The following IGF2BP2 variants were observed in gnomAD, a reference collection of about 807,000 sequenced individuals.
The protein encoded by IGF2BP2 is insulin like growth factor 2 mRNA binding protein 2.
IGF2BP2 carries 17 observed loss-of-function variants against 75.8 expected under a neutral mutation model. The observed-to-expected ratio is 0.22, with a 90% CI of 0.15 to 0.34. IGF2BP2 has a LOEUF of 0.34. Among genes scored for constraint, IGF2BP2 ranks in the 10% least tolerant of loss-of-function variants. IGF2BP2 has a pLI of 1.00. For missense variants in IGF2BP2, 516 were observed against 772.4 expected (o/e 0.67, Z 3.93); for synonymous variants, 288 against 295.6 (o/e 0.97, Z 0.26).
intron 4 of IGF2BP2, among the ~76,000 whole-genome samples, chr3:185,693,767 T>C (rs1722242201): frequency 6.6e-6 from 1 of 152,218 alleles, no homozygotes; most frequent in Non-Finnish European, 1.5e-5. Context: ...ATTTAAGCTG[T>C]TGGGAGTTTG....
chr3:185,749,898 CAAAAATT>C (rs1294575390), intron 2 of IGF2BP2, among the ~76,000 whole-genome samples: 1 of 152,132 alleles, frequency 6.6e-6, no homozygotes, highest in Non-Finnish European at 1.5e-5. Flanking sequence ...ACATCTTTAA[CAAAAATT>C]AAAAGTACAC....
chr3:185,810,546 G>A (rs2150006248), intron 2 of IGF2BP2, among the ~76,000 whole-genome samples: 1 of 152,294 alleles, frequency 6.6e-6, no homozygotes, highest in African/African-American at 2.4e-5. Flanking sequence ...GGCCAAGGCA[G>A]GCAGATCACC....
chr3:185,766,361 C>T (rs925084061), intron 2 of IGF2BP2, among the ~76,000 whole-genome samples: 14 of 151,934 alleles, frequency 9.2e-5, no homozygotes, highest in African/African-American at 7.3e-5. Flanking sequence ...CAACAAACTA[C>T]GGTTGATAGG....
chr3:185,696,681 C>T lies in IGF2BP2; in HGVS notation c.289-18G>A. ...TCCAACACCTAAAAGAGAAAGCTTC[C>T]ATGTCAGAATGGGAAGGCAAGATCA... On this transcript the variant is annotated intron_variant, in intron 3 of 15. Coordinates refer to ENST00000382199, the MANE Select transcript of IGF2BP2 (RefSeq NM_006548.6). 1 of 1,611,718 alleles carries T rather than the reference C, an allele frequency of 6.2e-7. No individual in the cohort carries two copies. Among genetic ancestry groups the T allele is most frequent in the Non-Finnish European group, 8.5e-7 (1 of 1,178,064 alleles).
chr3:185,782,680 C>T (rs530010495), intron 2 of IGF2BP2, among the ~76,000 whole-genome samples: 1 of 152,222 alleles, frequency 6.6e-6, no homozygotes, highest in East Asian at 1.9e-4. Flanking sequence ...AACAGGCATA[C>T]CTACACTGGT....
chr3:185,755,598 G>T (rs1731515053), intron 2 of IGF2BP2, among the ~76,000 whole-genome samples: 1 of 152,228 alleles, frequency 6.6e-6, no homozygotes, highest in Non-Finnish European at 1.5e-5. Context: ...GCTCAGGGAA[G>T]CCACGAGGGC....
At chr3:185,705,918 A>G (rs1350961391) in intron 2 of IGF2BP2, among the ~76,000 whole-genome samples, 3 of 152,216 alleles carry the variant, frequency 2.0e-5, no homozygotes, top group African/African-American at 2.4e-5. Flanking sequence ...TTTGGGGGAG[A>G]CACAAACTTT....
chr3:185,708,640 G>A lies in IGF2BP2; in HGVS notation c.240-10293C>T, dbSNP rs187056720. 1.4e-3 allele frequency among the ~76,000 whole-genome samples: 208 copies of A among 152,242 alleles called. 1 individual carries two copies. Among genetic ancestry groups the A allele is most frequent in the Non-Finnish European group, 2.3e-3 (155 of 68,016 alleles). On this transcript the variant is annotated intron_variant, in intron 2 of 15. Transcript: ENST00000382199. ...GCCTGAGGGTGGAATGGTGACACAA[G>A]AAATATCTGCTTATCCCTGGCTCCA... is the stretch of plus-strand genomic sequence containing the variant.
intron 2 of IGF2BP2, among the ~76,000 whole-genome samples, chr3:185,784,320 G>C (rs1007849109): frequency 6.6e-6 from 1 of 151,932 alleles, no homozygotes; most frequent in Admixed American, 6.5e-5. Flanking sequence ...CACTTTGATC[G>C]AAACATCCTC....
intron 2 of IGF2BP2, among the ~76,000 whole-genome samples, chr3:185,758,766 C>A (rs974228329): frequency 1.3e-5 from 2 of 152,208 alleles, no homozygotes; most frequent in Non-Finnish European, 2.9e-5. Context: ...AGATGTTTCA[C>A]TGACATCATA....
chr3:185,728,322 G>C (rs548319039), intron 2 of IGF2BP2: 1 of 152,286 alleles, frequency 6.6e-6, no homozygotes, highest in Admixed American at 6.5e-5. Context: ...GCCTTGACTC[G>C]GGTGGCAAGA....
At chr3:185,773,150 C>A (rs919211856) in intron 2 of IGF2BP2, among the ~76,000 whole-genome samples, 1 of 152,130 alleles carries the variant, frequency 6.6e-6, no homozygotes, top group African/African-American at 2.4e-5. Context: ...CACTAAGGAC[C>A]AGGTAAGCAG....
chr3:185,655,702 T>C (rs1715331000), intron 12 of IGF2BP2, among the ~76,000 whole-genome samples: 1 of 152,194 alleles, frequency 6.6e-6, no homozygotes, highest in African/African-American at 2.4e-5. Flanking sequence ...ATGCAGCCCA[T>C]GCGACTGATC....
At chr3:185,749,038 C>G (rs1196295499) in intron 2 of IGF2BP2, among the ~76,000 whole-genome samples, 1 of 152,114 alleles carries the variant, frequency 6.6e-6, no homozygotes, top group Non-Finnish European at 1.5e-5. Context: ...CTGGCACATG[C>G]CTGTAATCCC....
chr3:185,754,421 T>C (rs1731338439), intron 2 of IGF2BP2, among the ~76,000 whole-genome samples: 1 of 151,942 alleles, frequency 6.6e-6, no homozygotes, highest in Admixed American at 6.6e-5. Context: ...AATTACCCAG[T>C]CTCCGGTATG....
At chr3:185,770,104 A>C (rs2149743508) in intron 2 of IGF2BP2, among the ~76,000 whole-genome samples, 1 of 152,280 alleles carries the variant, frequency 6.6e-6, no homozygotes, top group South Asian at 2.1e-4. Flanking sequence ...CCTTCTCTCT[A>C]TGTCCTCAAG....
At position 185,712,321 on chromosome 3, in the gene IGF2BP2, T is replaced by C. The variant is rs188152496; in HGVS notation, c.240-13974A>G. On this transcript the variant is annotated intron_variant, in intron 2 of 15. Transcript: ENST00000382199. Reference sequence around the variant, plus strand: ...GCAAACATTTTTATTTACTAGTGTCTATAAGCAAAGAAAAAGCCTTGATTT... The same window carrying C: ...GCAAACATTTTTATTTACTAGTGTCCATAAGCAAAGAAAAAGCCTTGATTT... 3.3e-5 allele frequency among the ~76,000 whole-genome samples: 5 copies of C among 152,318 alleles called. No homozygotes were observed. The East Asian group carries it at 7.7e-4, about 23-fold the overall frequency.
chr3:185,776,102 G>A (rs1734504454), intron 2 of IGF2BP2, among the ~76,000 whole-genome samples: 1 of 152,006 alleles, frequency 6.6e-6, no homozygotes, highest in South Asian at 2.1e-4. Flanking sequence ...CAAATTAGCT[G>A]GGTGTGGTAG....
chr3:185,738,939 C>T (rs1052237349), intron 2 of IGF2BP2, among the ~76,000 whole-genome samples: 1 of 152,174 alleles, frequency 6.6e-6, no homozygotes, highest in African/African-American at 2.4e-5. Context: ...GAATAACTTT[C>T]CTTTCCACTC....
Sources: allele counts gnomAD v4.1 joint callset (sites outside exome capture counted in the v4.1 genomes callset), GRCh38; gene constraint gnomAD v4.1.1; transcripts MANE v1.5; gene names NCBI Gene and HGNC (gene_info 2026-07-23, HGNC 2026-07-21).